The following RECK variants were observed in gnomAD, a reference collection of about 807,000 sequenced individuals.
RECK encodes reversion inducing cysteine rich protein with kazal motifs.
A neutral mutation model predicts 115.1 loss-of-function variants in RECK; 69 were observed. That is an observed-to-expected ratio of 0.60 (90% CI 0.49 to 0.73). The LOEUF (loss-of-function observed/expected upper bound fraction) is 0.73. Ranked by LOEUF, RECK falls within the 30% of genes least tolerant of loss-of-function variation. The pLI, the probability that RECK is intolerant of heterozygous loss-of-function variation, is 0.00. For synonymous variants in RECK, 414 were observed against 419.7 expected (o/e 0.99, Z 0.17); for missense variants, 1,047 against 1,203.7 (o/e 0.87, Z 1.93).
At chr9:36,089,444 A>G (rs1823079850) in intron 9 of RECK, among the ~76,000 whole-genome samples, 1 of 152,224 alleles carries the variant, frequency 6.6e-6, no homozygotes, top group Non-Finnish European at 1.5e-5. Flanking sequence ...TACACTTAAT[A>G]AACTAACTAT....
At chr9:36,071,095 T>C (rs1564112132) in intron 6 of RECK, among the ~76,000 whole-genome samples, 1 of 152,160 alleles carries the variant, frequency 6.6e-6, no homozygotes, top group Non-Finnish European at 1.5e-5. Context: ...CTGTAAACCA[T>C]AGGAATAGCC....
chr9:36,060,488 C>T (rs1175996227), intron 4 of RECK, among the ~76,000 whole-genome samples: 1 of 152,178 alleles, frequency 6.6e-6, no homozygotes, highest in African/African-American at 2.4e-5. Flanking sequence ...CCACTTCTGC[C>T]ATTCTACTGA....
At chr9:36,088,295 A>G (rs913540176) in intron 9 of RECK, among the ~76,000 whole-genome samples, 2 of 152,210 alleles carry the variant, frequency 1.3e-5, no homozygotes, top group East Asian at 1.9e-4. Flanking sequence ...TTGATCTGAC[A>G]TCTAAGGGAC....
chr9:36,078,630 C>T (rs1216649982), intron 6 of RECK, among the ~76,000 whole-genome samples: 1 of 152,086 alleles, frequency 6.6e-6, no homozygotes, highest in African/African-American at 2.4e-5. Flanking sequence ...TAGTTGAAAA[C>T]CACTTCTGTG....
At chr9:36,102,555 A>G (rs1823601400) in intron 12 of RECK, among the ~76,000 whole-genome samples, 1 of 152,200 alleles carries the variant, frequency 6.6e-6, no homozygotes, top group Non-Finnish European at 1.5e-5. Flanking sequence ...AATAATGACT[A>G]GAAAGTGGAA....
At chr9:36,112,273 T>G in intron 15 of RECK, 32 bp from the exon 16 acceptor site, 1 of 1,608,286 alleles carries the variant, frequency 6.2e-7, no homozygotes, top group South Asian at 1.1e-5. Context: ...AATATACACA[T>G]ACATATTTTT....
intron 9 of RECK, among the ~76,000 whole-genome samples, chr9:36,089,624 A>T (rs1164900590): frequency 6.6e-6 from 1 of 152,200 alleles, no homozygotes. Context: ...AAATGCAGTC[A>T]AAACTTTGTA....
At chr9:36,047,899 G>A (rs78681859) in intron 1 of RECK, among the ~76,000 whole-genome samples, 1,603 of 150,898 alleles carry the variant, frequency 0.011, 14 homozygotes, top group African/African-American at 0.037. Context: ...AGACCCTGTC[G>A]TTGTTTTATG....
At chr9:36,059,969 A>ATAGC in intron 3 of RECK, 150 bp from the exon 4 acceptor site, 1 of 656,510 alleles carries the variant, frequency 1.5e-6, no homozygotes, top group Non-Finnish European at 2.7e-6. Flanking sequence ...TTCCCCCCGA[A>ATAGC]TAGCTGATTG....
At chr9:36,121,753 T>C in intron 20 of RECK, 65 bp downstream of exon 20, 1 of 1,544,402 alleles carries the variant, frequency 6.5e-7, no homozygotes, top group Non-Finnish European at 8.9e-7. Flanking sequence ...TAGGAGGGAG[T>C]GGGCACAAAC....
chr9:36,108,667 A>C (rs1293686416), intron 14 of RECK, among the ~76,000 whole-genome samples: 1 of 152,046 alleles, frequency 6.6e-6, no homozygotes, highest in Non-Finnish European at 1.5e-5. Context: ...TCACTTCACC[A>C]GAAGTGAAAC....
At position 36,100,312 on chromosome 9, in the gene RECK, T is replaced by C. The variant is rs1823511228; in HGVS notation, c.1086-19T>C. On this transcript the variant is annotated intron_variant, in intron 10 of 20. Transcript: ENST00000377966. ...AAAATAATTGCCTCTTGATTCTTTC[T>C]GGCCTTTTTTCTCTTTAGGCCAACA... 1 of 1,600,354 alleles carries C rather than the reference T, an allele frequency of 6.2e-7. No homozygotes were observed. The highest frequency in any genetic ancestry group is 1.7e-5 in the Admixed American group (1 of 59,646).
intron 14 of RECK, among the ~76,000 whole-genome samples, chr9:36,109,531 T>C (rs550578208): frequency 1.3e-5 from 2 of 152,318 alleles, no homozygotes; most frequent in African/African-American, 2.4e-5. Flanking sequence ...CTCTAGTTGG[T>C]ATATTCAGAA....
intron 2 of RECK, chr9:36,057,121 G>T: frequency 4.4e-6 from 2 of 453,900 alleles, no homozygotes; most frequent in Non-Finnish European, 5.8e-6. Context: ...GGCTTGGTGA[G>T]TGAACCTTTG....
At chr9:36,085,024 C>T (rs1218507038) in intron 8 of RECK, among the ~76,000 whole-genome samples, 1 of 151,870 alleles carries the variant, frequency 6.6e-6, no homozygotes, top group African/African-American at 2.4e-5. Flanking sequence ...CACTGCACTC[C>T]AGCCTGGGTG....
At chr9:36,059,723 G>C (rs58647668) in intron 3 of RECK, among the ~76,000 whole-genome samples, 1 of 152,168 alleles carries the variant, frequency 6.6e-6, no homozygotes, top group Admixed American at 6.5e-5. Flanking sequence ...TCATGTGCCA[G>C]ACCAAGAAAG....
At chr9:36,039,472 C>G (rs952460207) in intron 1 of RECK, among the ~76,000 whole-genome samples, 2 of 152,166 alleles carry the variant, frequency 1.3e-5, no homozygotes, top group Admixed American at 6.5e-5. Flanking sequence ...AGGTTATTGA[C>G]CCCCTCTATT....
intron 8 of RECK, 118 bp downstream of exon 8, chr9:36,083,680 C>A (rs1822825638): frequency 1.8e-6 from 2 of 1,100,356 alleles, no homozygotes; most frequent in African/African-American, 3.2e-5. Context: ...ATCAGACTTC[C>A]TTTGGTATTT....
chr9:36,067,664 G>A (rs1822062510), intron 6 of RECK, among the ~76,000 whole-genome samples: 1 of 152,068 alleles, frequency 6.6e-6, no homozygotes, highest in Admixed American at 6.6e-5. Context: ...AATACTTAGA[G>A]TTTTATATAT....
Sources: allele counts gnomAD v4.1 joint callset (sites outside exome capture counted in the v4.1 genomes callset), GRCh38; gene constraint gnomAD v4.1.1; transcripts MANE v1.5; gene names NCBI Gene and HGNC (gene_info 2026-07-23, HGNC 2026-07-21).